Variants in GALNT17 observed in about 807,000 individuals in gnomAD.
GALNT17 encodes polypeptide N-acetylgalactosaminyltransferase 17, also known as UDP-GalNAc:polypeptide N-acetylgalactosaminyltransferase-like 3.
A neutral mutation model predicts 63.7 loss-of-function variants in GALNT17; 29 were observed. The observed-to-expected ratio is 0.46, with a 90% CI of 0.34 to 0.62. The LOEUF (loss-of-function observed/expected upper bound fraction) is 0.62. GALNT17 is among the 20% of genes least tolerant of loss of function. GALNT17 has a pLI of 0.01. For synonymous variants in GALNT17, 305 were observed against 318.3 expected (o/e 0.96, Z 0.45); for missense variants, 603 against 799.6 (o/e 0.75, Z 2.97).
At chr7:71,488,169 T>TAAAAAAAA (rs1343277575) in intron 5 of GALNT17, among the ~76,000 whole-genome samples, 1 of 123,548 alleles carries the variant, frequency 8.1e-6, no homozygotes, top group African/African-American at 3.1e-5. Context: ...CCCTATCTCT[T>TAAAAAAAA]AAAAAAAAAA....
At chr7:71,421,337 G>A (rs1583937871) in intron 5 of GALNT17, among the ~76,000 whole-genome samples, 1 of 152,316 alleles carries the variant, frequency 6.6e-6, no homozygotes, top group East Asian at 1.9e-4. Context: ...ATACTGAGAA[G>A]TTTCAAACTG....
intron 3 of GALNT17, among the ~76,000 whole-genome samples, chr7:71,413,875 G>A (rs375866108): frequency 6.6e-6 from 1 of 151,998 alleles, no homozygotes; most frequent in Non-Finnish European, 1.5e-5. Context: ...CTGTTGTTTG[G>A]AACAGTGTAT....
At chr7:71,237,194 G>A (rs1025885664) in intron 1 of GALNT17, among the ~76,000 whole-genome samples, 18 of 152,144 alleles carry the variant, frequency 1.2e-4, no homozygotes, top group Non-Finnish European at 2.1e-4. Context: ...TAGCTTTATT[G>A]TCTCCGTATG....
intron 1 of GALNT17, among the ~76,000 whole-genome samples, chr7:71,269,402 G>A (rs1790545490): frequency 6.6e-6 from 1 of 152,192 alleles, no homozygotes; most frequent in Non-Finnish European, 1.5e-5. Flanking sequence ...AGGAGTTTGA[G>A]GCTGCAGTGA....
intron 5 of GALNT17, among the ~76,000 whole-genome samples, chr7:71,563,932 C>T (rs1789295724): frequency 6.6e-6 from 1 of 152,106 alleles, no homozygotes; most frequent in Non-Finnish European, 1.5e-5. Flanking sequence ...GCTTTGTTGC[C>T]TGAGCTGGTC....
chr7:71,502,767 T>G (rs1788201387), intron 5 of GALNT17, among the ~76,000 whole-genome samples: 1 of 152,190 alleles, frequency 6.6e-6, no homozygotes, highest in African/African-American at 2.4e-5. Context: ...ACAACCATCC[T>G]TACTGAGCTT....
intron 1 of GALNT17, among the ~76,000 whole-genome samples, chr7:71,240,248 A>T (rs549389396): frequency 5.1e-4 from 78 of 152,240 alleles, no homozygotes; most frequent in Non-Finnish European, 1.1e-3. Flanking sequence ...ATAATCTCAG[A>T]TATCAAATGT....
intron 2 of GALNT17, among the ~76,000 whole-genome samples, chr7:71,381,616 TAAAAATGC>T (rs1792849100): frequency 6.6e-6 from 1 of 151,832 alleles, no homozygotes; most frequent in South Asian, 2.1e-4. Flanking sequence ...CCATCTTTAC[TAAAAATGC>T]AAAAATTAGC....
At position 71,196,488 on chromosome 7, in the gene GALNT17, A is replaced by G. The variant is rs1309448066; in HGVS notation, c.238+63448A>G. On this transcript the variant is annotated intron_variant, in intron 1 of 10. Coordinates refer to ENST00000333538, the MANE Select transcript of GALNT17 (RefSeq NM_022479.3). ...TCCTCCACTGTAATAAATCAGAGCC[A>G]CGAGTACAATGTGCTGAGTCCTATG... 2.6e-5 allele frequency among the ~76,000 whole-genome samples: 4 copies of G among 152,214 alleles called. No homozygotes were observed. In the East Asian group the frequency reaches 7.7e-4, roughly 29 times the overall value.
At chr7:71,376,425 G>GTGTTTTTTTTT in intron 2 of GALNT17, among the ~76,000 whole-genome samples, 1 of 63,358 alleles carries the variant, frequency 1.6e-5, no homozygotes, top group African/African-American at 6.2e-5. Flanking sequence ...GTTTGGAGTT[G>GTGTTTTTTTTT]TTTTTTTTTT....
chr7:71,665,672 CA>C, intron 7 of GALNT17, 76 bp downstream of exon 7: 2 of 1,481,852 alleles, frequency 1.3e-6, no homozygotes, highest in Non-Finnish European at 9.1e-7. Context: ...TTTAATAAAC[CA>C]ATCGTTCCTC....
At chr7:71,360,578 T>C (rs1458370878) in intron 2 of GALNT17, among the ~76,000 whole-genome samples, 2 of 152,224 alleles carry the variant, frequency 1.3e-5, no homozygotes, top group Non-Finnish European at 2.9e-5. Context: ...AGATATCACA[T>C]TGCCATTGTT....
At chr7:71,471,863 A>G (rs1020942090) in intron 5 of GALNT17, among the ~76,000 whole-genome samples, 5 of 151,834 alleles carry the variant, frequency 3.3e-5, no homozygotes, top group African/African-American at 1.2e-4. Flanking sequence ...TGGGAGAAAA[A>G]TAACCCAAAT....
chr7:71,711,116 A>G (rs978181969), intron 10 of GALNT17, among the ~76,000 whole-genome samples, 188 bp downstream of exon 10: 5 of 152,142 alleles, frequency 3.3e-5, no homozygotes, highest in Non-Finnish European at 5.9e-5. Flanking sequence ...TGCATGGAGT[A>G]GCATTTCTGA....
chr7:71,628,920 A>C (rs1229585541), intron 6 of GALNT17, among the ~76,000 whole-genome samples: 1 of 151,938 alleles, frequency 6.6e-6, no homozygotes, highest in African/African-American at 2.4e-5. Context: ...TGACAGCGAG[A>C]CTCTGTCTCA....
rs140940282 is a variant in GALNT17 at position 71,441,598 on chromosome 7, C to A, written c.962+20493C>A. On this transcript the variant is annotated intron_variant, in intron 5 of 10. Coordinates refer to ENST00000333538, the MANE Select transcript of GALNT17 (RefSeq NM_022479.3). The stretch of plus-strand genomic sequence containing the variant: ...CCGGTCATCTAGGTTTTAAGCCCTG[C>A]ATGCATTAGGTATTTGTCCTAATGC... Among the ~76,000 whole-genome samples, 681 of 152,246 alleles carry A rather than the reference C, an allele frequency of 4.5e-3. 4 individuals carry two copies. The highest frequency in any genetic ancestry group is 0.014 in the Middle Eastern group (4 of 294).
chr7:71,393,298 C>A (rs1793082501), intron 3 of GALNT17, among the ~76,000 whole-genome samples: 2 of 151,922 alleles, frequency 1.3e-5, no homozygotes, highest in African/African-American at 4.8e-5. Flanking sequence ...TTGATTAAAA[C>A]TTTTTTTTCC....
chr7:71,675,076 C>T (rs1791129049), intron 8 of GALNT17, among the ~76,000 whole-genome samples: 1 of 152,130 alleles, frequency 6.6e-6, no homozygotes, highest in South Asian at 2.1e-4. Flanking sequence ...CCCAGCTACT[C>T]AGAAGGCTGA....
chr7:71,211,839 A>G (rs950667903), intron 1 of GALNT17, among the ~76,000 whole-genome samples: 3 of 152,218 alleles, frequency 2.0e-5, no homozygotes, highest in Non-Finnish European at 4.4e-5. Context: ...GATGATTTAC[A>G]GTATCTGGCG....
Sources: allele counts gnomAD v4.1 joint callset (sites outside exome capture counted in the v4.1 genomes callset), GRCh38; gene constraint gnomAD v4.1.1; transcripts MANE v1.5; gene names NCBI Gene and HGNC (gene_info 2026-07-23, HGNC 2026-07-21).